MMP12: variants seen among roughly 807,000 people sequenced by gnomAD.
MMP12 encodes the protein macrophage metalloelastase.
Under a neutral mutation model 45.2 loss-of-function variants are expected in MMP12, and 51 were observed. That is an observed-to-expected ratio of 1.13 (90% CI 0.90 to 1.42). The LOEUF (loss-of-function observed/expected upper bound fraction) is 1.42. Ranked by LOEUF, MMP12 falls within the 40% of genes most tolerant of loss-of-function variation. MMP12 has a pLI of 0.00. For synonymous variants in MMP12, 210 were observed against 193.3 expected (o/e 1.09, Z -0.72); for missense variants, 530 against 570.8 (o/e 0.93, Z 0.73).
intron 6 of MMP12, among the ~76,000 whole-genome samples, 158 bp downstream of exon 6, chr11:102,867,112 C>A: frequency 6.6e-6 from 1 of 152,202 alleles, no homozygotes; most frequent in Non-Finnish European, 1.5e-5. Flanking sequence ...TCTCCTGCTT[C>A]AAAACCTTTA....
At position 102,865,746 on chromosome 11, in the gene MMP12, G is replaced by A. The variant is rs1859372481; in HGVS notation, c.1205+30C>T. On this transcript the variant is annotated intron_variant, in intron 8 of 9. Transcript: ENST00000571244. This position sits in a 1 kb window ranked among gnomAD's most constrained non-coding sequence, Gnocchi z 4.1. ...ATTCCATATCTGTTTCACAATCTGA[G>A]GGGTCGAATGACCAACCATTAAAAC... is the stretch of plus-strand genomic sequence containing the variant. The A allele has an allele frequency of 1.9e-6, 3 of 1,574,718 alleles. No individual in the cohort carries two copies. Among genetic ancestry groups the A allele is most frequent in the Non-Finnish European group, 2.6e-6 (3 of 1,156,730 alleles).
Position 102,867,213 on chromosome 11 carries a change from C to T in MMP12, c.911+57G>A, listed in dbSNP as rs997700505. The T allele has an allele frequency of 4.2e-6, 6 of 1,440,924 alleles. No individual in the cohort carries two copies. In the African/African-American group the frequency reaches 7.2e-5, roughly 17 times the overall value. The allele number at this position is 1,440,924 out of a possible 1,614,324, so 89.3% of individuals were successfully genotyped here. A position where few individuals can be genotyped will look rare whatever the true frequency, so the allele number is the denominator to read the frequency against. ...TCAATTATTTTCCACTGTTTTCTGA[C>T]AAAAAAAATTTAAAGGCAGAAACTT... On this transcript the variant is annotated intron_variant, in intron 6 of 9. Coordinates refer to ENST00000571244, the MANE Select transcript of MMP12 (RefSeq NM_002426.6).
chr11:102,870,246 T>C (rs28381675), intron 4 of MMP12, among the ~76,000 whole-genome samples: 6,691 of 152,310 alleles, frequency 0.044, 208 homozygotes, highest in Middle Eastern at 0.15. Context: ...CCATTTTAGA[T>C]GAAGGAATTA....
Position 102,863,119 on chromosome 11 carries a change from T to A in MMP12, c.1394A>T (p.Asn465Ile). 1 of 1,609,708 alleles carries A rather than the reference T, an allele frequency of 6.2e-7. No individual in the cohort carries two copies. The highest frequency in any genetic ancestry group is 8.5e-7 in the Non-Finnish European group (1 of 1,177,800). ...CCATTTCTAACAACCAAACCAGCTA[T>A]TGCTTTTCAGTGTTTTGGTGATACG... Reference protein sequence around the residue: ...LQRITKTLKSNSWFGC With the variant: ...LQRITKTLKSISWFGC The change falls in exon 10 of 10, where the codon AAT becomes ATT. Residue 465 changes from asparagine (N) to isoleucine (I), a missense_variant. By Grantham distance (149) the Asn-to-Ile change is moderately radical (BLOSUM62 -3). Transcript: ENST00000571244.
In MMP12 at chr11:102,866,501, C is replaced by G. The variant is rs1273128560; in HGVS notation, c.912-53G>C. 1.9e-6 allele frequency: 3 copies of G among 1,581,188 alleles called. No homozygotes were observed. In the Admixed American group the frequency reaches 5.5e-5, roughly 29 times the overall value. Reference sequence around the variant, plus strand: ...TAAAAGACAATGTAGACTCAAGAACCATGGCATGTGAATGGGAGGGAACTG... The same window carrying G: ...TAAAAGACAATGTAGACTCAAGAACGATGGCATGTGAATGGGAGGGAACTG... On this transcript the variant is annotated intron_variant, in intron 6 of 9. Coordinates refer to ENST00000571244, the MANE Select transcript of MMP12 (RefSeq NM_002426.6).
At chr11:102,868,564 G>C (rs946614509) in intron 4 of MMP12, among the ~76,000 whole-genome samples, 1 of 151,898 alleles carries the variant, frequency 6.6e-6, no homozygotes, top group Non-Finnish European at 1.5e-5. Context: ...TTTAGCAATC[G>C]TCTTTTCGTA....
At chr11:102,867,166 A>T in intron 6 of MMP12, 104 bp downstream of exon 6, 2 of 1,087,750 alleles carry the variant, frequency 1.8e-6, no homozygotes, top group South Asian at 3.8e-5. Context: ...GTTCCTGCTT[A>T]CAAGTTTCAT....
chr11:102,871,770 G>A (rs1555009382), intron 3 of MMP12, 34 bp downstream of exon 3: 1 of 1,613,002 alleles, frequency 6.2e-7, no homozygotes, highest in Non-Finnish European at 8.5e-7. Flanking sequence ...TATAGATCAT[G>A]CCAAATGACA....
At chr11:102,867,241 A>G (rs1555008672) in intron 6 of MMP12, 29 bp downstream of exon 6, 2 of 1,534,200 alleles carry the variant, frequency 1.3e-6, no homozygotes, top group Non-Finnish European at 1.7e-6. Flanking sequence ...AGAAACTTTA[A>G]TATTGGTTAG....
At chr11:102,874,149 A>G (rs1281298736) in intron 1 of MMP12, among the ~76,000 whole-genome samples, 2 of 152,172 alleles carry the variant, frequency 1.3e-5, no homozygotes, top group African/African-American at 4.8e-5. Context: ...CAAAATGGAT[A>G]ACTATGATAA....
chr11:102,870,988 C>A (rs1161240918), intron 4 of MMP12, among the ~76,000 whole-genome samples: 1 of 152,112 alleles, frequency 6.6e-6, no homozygotes, highest in Non-Finnish European at 1.5e-5. Context: ...AACTTATCAC[C>A]TAGGCTGCCT....
In MMP12 at chr11:102,871,966, A is replaced by G. The variant is rs201430738; in HGVS notation, c.351-14T>C. On this transcript the variant is annotated splice_polypyrimidine_tract_variant and intron_variant, in intron 2 of 9. Coordinates refer to ENST00000571244, the MANE Select transcript of MMP12 (RefSeq NM_002426.6). ...TAATTATTGATTCTTTATCAGCAAAAAGAGAGAGAAAAATGTATGGAAGGC... is the reference window on the plus strand; with the variant it reads ...TAATTATTGATTCTTTATCAGCAAAGAGAGAGAGAAAAATGTATGGAAGGC... 16 of 1,592,716 alleles carry G rather than the reference A, an allele frequency of 1.0e-5. No homozygotes were observed. Among genetic ancestry groups the G allele is most frequent in the Non-Finnish European group, 1.4e-5 (16 of 1,170,990 alleles).
intron 4 of MMP12, among the ~76,000 whole-genome samples, chr11:102,870,762 T>A (rs1859478577): frequency 6.6e-6 from 1 of 152,232 alleles, no homozygotes; most frequent in Admixed American, 6.5e-5. Context: ...GAAATTTTTA[T>A]CCCAAGACCA....
chr11:102,871,566 T>C (rs1859495798), intron 4 of MMP12, 28 bp downstream of exon 4: 1 of 1,498,912 alleles, frequency 6.7e-7, no homozygotes, highest in South Asian at 1.3e-5. Context: ...CTTAGTTTTT[T>C]GTTTGTTTGT....
intron 1 of MMP12, among the ~76,000 whole-genome samples, chr11:102,873,845 A>G (rs1184925725): frequency 1.3e-5 from 2 of 152,018 alleles, no homozygotes; most frequent in African/African-American, 4.8e-5. Context: ...CCTGGGCAAC[A>G]GGGTGAAACC....
Position 102,867,376 on chromosome 11 carries a change from G to T in MMP12, c.805C>A (p.Gln269Lys), listed in dbSNP as rs1555008722. The T allele has an allele frequency of 6.2e-7, 1 of 1,609,832 alleles. No homozygotes were observed. The highest frequency in any genetic ancestry group is 8.5e-7 in the Non-Finnish European group (1 of 1,178,374). Reference protein sequence around the residue: ...QSLYGDPKENQRLPNPDNSEP... With the variant: ...QSLYGDPKENKRLPNPDNSEP... Reference sequence around the variant, plus strand: ...GAATTGTCAGGATTTGGCAAGCGTTGGTTCTCTTTTGGGTCTCCTGAAAAT... The same window carrying T: ...GAATTGTCAGGATTTGGCAAGCGTTTGTTCTCTTTTGGGTCTCCTGAAAAT... Residue 269 changes from glutamine (Q) to lysine (K), a missense_variant, in exon 6 of 10, where the codon CAA becomes AAA. Gln to Lys is a moderately conservative substitution (Grantham distance 53). Coordinates refer to ENST00000571244, the MANE Select transcript of MMP12 (RefSeq NM_002426.6).
intron 6 of MMP12, 141 bp downstream of exon 6, chr11:102,867,126 TCTC>T (rs1859402952): frequency 4.7e-6 from 3 of 644,578 alleles, no homozygotes; most frequent in Admixed American, 3.6e-5. Context: ...ACCTTTAAGA[TCTC>T]CTCACTGCCT....
chr11:102,874,733 G>A (rs551616643), intron 1 of MMP12, 103 bp downstream of exon 1: 10 of 780,228 alleles, frequency 1.3e-5, no homozygotes, highest in East Asian at 1.1e-4. Flanking sequence ...CAGCTGATAC[G>A]TAAAAGCAAA....
chr11:102,866,545 C>A lies in MMP12; in HGVS notation c.912-97G>T, dbSNP rs1168257474. 4 of 1,273,368 alleles carry A rather than the reference C, an allele frequency of 3.1e-6. No homozygotes were observed. In the Admixed American group the frequency reaches 7.7e-5, roughly 24 times the overall value. The allele number at this position is 1,273,368 out of a possible 1,614,324, so 78.9% of individuals were successfully genotyped here. A position where few individuals can be genotyped will look rare whatever the true frequency, so the allele number is the denominator to read the frequency against. On this transcript the variant is annotated intron_variant, in intron 6 of 9. Coordinates refer to ENST00000571244, the MANE Select transcript of MMP12 (RefSeq NM_002426.6). ...GGAACTGTGAAAAGACCCAATATTTCTTTCCATTGTCTTCACATTCTGTTC... is the reference window on the plus strand; with the variant it reads ...GGAACTGTGAAAAGACCCAATATTTATTTCCATTGTCTTCACATTCTGTTC...
Sources: allele counts gnomAD v4.1 joint callset (sites outside exome capture counted in the v4.1 genomes callset), GRCh38; gene constraint gnomAD v4.1.1; non-coding constraint Gnocchi (gnomAD v3.1); transcripts MANE v1.5; gene names NCBI Gene and HGNC (gene_info 2026-07-23, HGNC 2026-07-21).